F13A1: variants seen among roughly 807,000 people sequenced by gnomAD.
The protein encoded by F13A1 is FSF, A subunit.
In F13A1, 47 loss-of-function variants were observed where a neutral mutation model predicts 80.1. The ratio of observed to expected loss-of-function variants is 0.59; its 90% CI spans 0.46 to 0.75. F13A1 has a LOEUF of 0.75. Among genes scored for constraint, F13A1 ranks in the 30% least tolerant of loss-of-function variants. F13A1 has a pLI of 0.00. For missense variants in F13A1, 817 were observed against 930.4 expected, an observed-to-expected ratio of 0.88 and a Z score of 1.59; for synonymous variants, 349 against 344.9, an observed-to-expected ratio of 1.01 and a Z score of -0.13.
chr6:6,237,166 A>G (rs570621135), intron 6 of F13A1, among the ~76,000 whole-genome samples: 2 of 152,280 alleles, frequency 1.3e-5, no homozygotes, highest in South Asian at 4.1e-4. Flanking sequence ...GTTCTAAAAA[A>G]TAAAATTTAA....
At chr6:6,310,216 A>G (rs1320454688) in intron 2 of F13A1, among the ~76,000 whole-genome samples, 2 of 152,192 alleles carry the variant, frequency 1.3e-5, no homozygotes, top group Non-Finnish European at 2.9e-5. Context: ...ACCAAAGCTG[A>G]TCAGGATTCT....
intron 6 of F13A1, among the ~76,000 whole-genome samples, chr6:6,232,210 C>T (rs1451563050): frequency 6.6e-6 from 1 of 152,102 alleles, no homozygotes; most frequent in African/African-American, 2.4e-5. Context: ...AGGAAACTCA[C>T]CTAACACATA....
In F13A1 at chr6:6,145,751, G is replaced by C; in HGVS notation, c.2067C>G (p.Thr689=). 1 of 1,614,092 alleles carries C rather than the reference G, an allele frequency of 6.2e-7. No homozygotes were observed. Among genetic ancestry groups the C allele is most frequent in the Non-Finnish European group, 8.5e-7 (1 of 1,179,994 alleles). ...GCCGGCACACTTCTTCCCACTGCAC[G>C]GTGGAGTTGGGCCGGATTTCACTGA... The part of the protein sequence containing the change: ...KMFREIRPNS[T]VQWEEVCRPW... Residue 689 remains threonine, a synonymous_variant, in exon 15 of 15, where the codon ACC becomes ACG. Coordinates refer to ENST00000264870, the MANE Select transcript of F13A1 (RefSeq NM_000129.4).
At chr6:6,237,045 G>A (rs764957658) in intron 6 of F13A1, among the ~76,000 whole-genome samples, 2 of 152,116 alleles carry the variant, frequency 1.3e-5, no homozygotes, top group South Asian at 2.1e-4. Flanking sequence ...GGTGGGGCAG[G>A]TGAGAATTGA....
intron 12 of F13A1, among the ~76,000 whole-genome samples, chr6:6,171,950 A>G (rs892616928): frequency 2.0e-5 from 3 of 152,000 alleles, no homozygotes; most frequent in African/African-American, 7.2e-5. Flanking sequence ...TTTTTTTCTG[A>G]CCATCTCCAC....
At chr6:6,303,772 T>C (rs1016991130) in intron 3 of F13A1, among the ~76,000 whole-genome samples, 8 of 152,214 alleles carry the variant, frequency 5.3e-5, no homozygotes, top group African/African-American at 1.9e-4. Flanking sequence ...TAAGATTTAA[T>C]AGCTGGTTTA....
chr6:6,185,126 TCTC>T (rs1042823626), intron 10 of F13A1, among the ~76,000 whole-genome samples: 5 of 132,130 alleles, frequency 3.8e-5, no homozygotes, highest in African/African-American at 5.6e-5. Context: ...ACTGAATCTC[TCTC>T]TTTTTTTTTT....
rs542717136 is a variant in F13A1 at position 6,195,701 on chromosome 6, A to T, written c.1305+96T>A. The T allele has an allele frequency of 2.7e-6, 3 of 1,092,910 alleles. No individual in the cohort carries two copies. The African/African-American group carries it at 4.7e-5, about 17-fold the overall frequency. 67.7% of individuals were successfully genotyped at this position (1,092,910 alleles called of 1,614,324 possible). Reference sequence around the variant, plus strand: ...TGTCAACACGAAGCATACGCTATGTACCTGGAAAACTTAGAAACAACAACT... The same window carrying T: ...TGTCAACACGAAGCATACGCTATGTTCCTGGAAAACTTAGAAACAACAACT... On this transcript the variant is annotated intron_variant, in intron 10 of 14. Transcript: ENST00000264870.
intron 3 of F13A1, among the ~76,000 whole-genome samples, chr6:6,270,163 G>A (rs1757902580): frequency 6.6e-6 from 1 of 152,178 alleles, no homozygotes; most frequent in African/African-American, 2.4e-5. Context: ...ACAGTAGCTG[G>A]CCCTTACAGT....
chr6:6,198,977 T>A (rs1217114008), intron 8 of F13A1, among the ~76,000 whole-genome samples: 3 of 152,190 alleles, frequency 2.0e-5, no homozygotes, highest in Non-Finnish European at 4.4e-5. Context: ...AGAACAAAGT[T>A]ACAGCGGCAT....
chr6:6,265,871 T>C (rs1757836307), intron 4 of F13A1, among the ~76,000 whole-genome samples: 1 of 152,232 alleles, frequency 6.6e-6, no homozygotes, highest in Non-Finnish European at 1.5e-5. Flanking sequence ...TAATCAAGCT[T>C]AATAAGCCCA....
At chr6:6,284,739 C>T (rs1758112117) in intron 3 of F13A1, among the ~76,000 whole-genome samples, 1 of 152,160 alleles carries the variant, frequency 6.6e-6, no homozygotes, top group African/African-American at 2.4e-5. Context: ...CCTGGACTAC[C>T]AAGAATGCCG....
intron 1 of F13A1, 126 bp from the exon 2 acceptor site, chr6:6,318,808 G>T: frequency 9.9e-7 from 1 of 1,009,958 alleles, no homozygotes; most frequent in Non-Finnish European, 1.5e-6. Context: ...AACACATTTT[G>T]CCGTTTGCAT....
rs534016725 is a variant in F13A1 at position 6,279,603 on chromosome 6, C to T, written c.320-12794G>A. Among the ~76,000 whole-genome samples, 4 of 152,180 alleles carry T rather than the reference C, an allele frequency of 2.6e-5. No individual in the cohort carries two copies. The East Asian group carries it at 5.8e-4, about 22-fold the overall frequency. On this transcript the variant is annotated intron_variant, in intron 3 of 14. Coordinates refer to ENST00000264870, the MANE Select transcript of F13A1 (RefSeq NM_000129.4). ...GCACTGCATTTAGCATCTTCGAGACCCATCTCTTTCATGTTCTCAGTCAGC... is the reference window on the plus strand; with the variant it reads ...GCACTGCATTTAGCATCTTCGAGACTCATCTCTTTCATGTTCTCAGTCAGC...
At position 6,188,875 on chromosome 6, in the gene F13A1, T is replaced by C. The variant is rs201113471; in HGVS notation, c.1306-6734A>G. On this transcript the variant is annotated intron_variant, in intron 10 of 14. Transcript: ENST00000264870. The stretch of plus-strand genomic sequence containing the variant: ...GGGAATCTAAGTCTCTTTGTAGGTC[T>C]CTAAGAACTTGCTTTATGAATCTGG... Among the ~76,000 whole-genome samples the C allele has an allele frequency of 2.7e-5, 2 of 73,462 alleles. 1 individual carries two copies. The highest frequency in any genetic ancestry group is 4.7e-5 in the Non-Finnish European group (2 of 42,274). 48.2% of individuals were successfully genotyped at this position (73,462 alleles called of 152,430 possible). A position where few individuals can be genotyped will look rare whatever the true frequency, so the allele number is the denominator to read the frequency against.
intron 3 of F13A1, among the ~76,000 whole-genome samples, chr6:6,290,668 G>T (rs79043131): frequency 0.01 from 1,559 of 152,278 alleles, 9 homozygotes; most frequent in Middle Eastern, 0.024. Flanking sequence ...TGTTCATAGA[G>T]AACACACTCT....
chr6:6,183,232 C>A (rs1219938207), intron 10 of F13A1, among the ~76,000 whole-genome samples: 1 of 152,098 alleles, frequency 6.6e-6, no homozygotes, highest in African/African-American at 2.4e-5. Flanking sequence ...CCTCAGTTAC[C>A]CACTCTTTAA....
At chr6:6,284,110 T>C (rs1044214576) in intron 3 of F13A1, among the ~76,000 whole-genome samples, 12 of 152,376 alleles carry the variant, frequency 7.9e-5, no homozygotes, top group African/African-American at 2.9e-4. Flanking sequence ...TATGATTACC[T>C]TATGCATGCG....
intron 12 of F13A1, among the ~76,000 whole-genome samples, chr6:6,173,542 A>C (rs1037186609): frequency 1.3e-5 from 2 of 151,630 alleles, no homozygotes; most frequent in Non-Finnish European, 2.9e-5. Flanking sequence ...TGAGTAGCTG[A>C]GACTACAGGT....
Sources: gnomAD v4.1 joint callset for allele counts (sites outside exome capture counted in the v4.1 genomes callset) on GRCh38, gnomAD v4.1.1 for gene constraint, MANE v1.5 for transcripts, NCBI Gene and HGNC (gene_info 2026-07-23, HGNC 2026-07-21) for gene names.